The following AACS variants were observed in gnomAD, a reference collection of about 807,000 sequenced individuals.
The protein encoded by AACS is acetoacetyl-CoA synthetase.
Under a neutral mutation model 83.1 loss-of-function variants are expected in AACS, and 69 were observed. The observed-to-expected ratio is 0.83, with a 90% CI of 0.68 to 1.01. The LOEUF is 1.01. Among genes scored for constraint, AACS ranks in the 50% least tolerant of loss-of-function variants. The pLI, the probability that AACS is intolerant of heterozygous loss-of-function variation, is 0.00. For synonymous variants in AACS, 333 were observed against 343.4 expected (o/e 0.97, Z 0.33); for missense variants, 866 against 882.2 (o/e 0.98, Z 0.23).
intron 8 of AACS, among the ~76,000 whole-genome samples, chr12:125,114,268 C>G (rs562442389): frequency 3.7e-4 from 56 of 152,012 alleles, no homozygotes; most frequent in Non-Finnish European, 2.9e-5. Context: ...ACAAGCCACG[C>G]TCAGCTCTTG....
intron 4 of AACS, among the ~76,000 whole-genome samples, chr12:125,089,335 G>A (rs1254641946): frequency 6.6e-6 from 1 of 152,080 alleles, no homozygotes; most frequent in African/African-American, 2.4e-5. Flanking sequence ...GAGAAGGAGG[G>A]AAAAAGGGAG....
At chr12:125,066,153 G>A (rs1342460397) in intron 1 of AACS, among the ~76,000 whole-genome samples, 1 of 152,102 alleles carries the variant, frequency 6.6e-6, no homozygotes, top group African/African-American at 2.4e-5. Context: ...CGTGCACTCT[G>A]TCCCCCTGAC....
At chr12:125,099,114 G>C (rs1391746440) in intron 5 of AACS, among the ~76,000 whole-genome samples, 1 of 152,218 alleles carries the variant, frequency 6.6e-6, no homozygotes, top group African/African-American at 2.4e-5. Flanking sequence ...TAAAGCATGG[G>C]TTTGGAAAGC....
chr12:125,114,385 G>A, intron 8 of AACS, 92 bp from the exon 9 acceptor site: 1 of 998,186 alleles, frequency 1.0e-6, no homozygotes, highest in Non-Finnish European at 1.5e-6. Flanking sequence ...GCTTCTTCCT[G>A]GCAGCGTCTG....
intron 3 of AACS, among the ~76,000 whole-genome samples, chr12:125,085,373 C>T (rs974186028): frequency 4.0e-5 from 6 of 151,648 alleles, no homozygotes; most frequent in Admixed American, 2.0e-4. Context: ...CGCACGTGCA[C>T]GTTGCATCCA....
At chr12:125,085,489 T>G (rs759308268) in intron 3 of AACS, among the ~76,000 whole-genome samples, 2 of 151,940 alleles carry the variant, frequency 1.3e-5, no homozygotes, top group Non-Finnish European at 2.9e-5. Flanking sequence ...ACCACACACA[T>G]GCACGTTGCA....
intron 4 of AACS, among the ~76,000 whole-genome samples, chr12:125,089,286 G>A (rs192311811): frequency 1.3e-5 from 2 of 152,298 alleles, no homozygotes; most frequent in Admixed American, 6.5e-5. Context: ...GGGGAGTCGC[G>A]TGTGAATCCA....
chr12:125,090,233 TG>T (rs369129619), intron 4 of AACS, among the ~76,000 whole-genome samples: 113,060 of 116,358 alleles, frequency 0.97, 55,150 homozygotes, highest in Admixed American at 0.98. Flanking sequence ...CCATTTATTA[TG>T]CTTCCACCCA....
In AACS at chr12:125,129,687, C is replaced by T. The variant is rs183453451; in HGVS notation, c.1549+227C>T. On this transcript the variant is annotated intron_variant, in intron 14 of 17. Coordinates refer to ENST00000316519, the MANE Select transcript of AACS (RefSeq NM_023928.5). This position sits in a 1 kb window ranked among gnomAD's most constrained non-coding sequence, Gnocchi z 4.3. Reference sequence around the variant, plus strand: ...CAACTGCAATCTGGTTTAGTTGAATCTCAGCCACCTCTGCCCAGAGCCTCT... The same window carrying T: ...CAACTGCAATCTGGTTTAGTTGAATTTCAGCCACCTCTGCCCAGAGCCTCT... 4.8e-4 allele frequency among the ~76,000 whole-genome samples: 73 copies of T among 152,302 alleles called. No homozygotes were observed. Among genetic ancestry groups the T allele is most frequent in the Middle Eastern group, 3.4e-3 (1 of 294 alleles).
At chr12:125,116,757 G>A (rs369560205) in intron 9 of AACS, among the ~76,000 whole-genome samples, 1 of 152,080 alleles carries the variant, frequency 6.6e-6, no homozygotes, top group Non-Finnish European at 1.5e-5. Context: ...GAGCCACCGC[G>A]CCCGGCCTCC....
intron 7 of AACS, among the ~76,000 whole-genome samples, chr12:125,103,785 G>A (rs1229216413): frequency 6.6e-6 from 1 of 151,798 alleles, no homozygotes; most frequent in Non-Finnish European, 1.5e-5. Context: ...TCAGGAGATC[G>A]AGACCATCCT....
intron 3 of AACS, among the ~76,000 whole-genome samples, chr12:125,079,472 C>T (rs1184607328): frequency 2.0e-5 from 3 of 152,184 alleles, no homozygotes; most frequent in Admixed American, 2.0e-4. Context: ...GCCTCGACTT[C>T]CCAGGCTCAA....
intron 10 of AACS, chr12:125,122,934 C>G (rs111955048): frequency 6.6e-6 from 1 of 152,184 alleles, no homozygotes. Flanking sequence ...CAGGTGGGCT[C>G]CCGTGCTTCC....
intron 5 of AACS, among the ~76,000 whole-genome samples, chr12:125,099,458 CATTGTTTTCTGGCTCATGA>C (rs1956674584): frequency 6.6e-6 from 1 of 152,194 alleles, no homozygotes; most frequent in South Asian, 2.1e-4. Context: ...ATCTATTAAA[CATTGTTTTCTGGCTCATGA>C]ATCTTTTATT....
At position 125,069,763 on chromosome 12, in the gene AACS, G is replaced by A. The variant is rs538467807; in HGVS notation, c.133+4046G>A. 4.9e-3 allele frequency among the ~76,000 whole-genome samples: 753 copies of A among 152,334 alleles called. 4 individuals are homozygous for A. The highest frequency in any genetic ancestry group is 0.018 in the African/African-American group (728 of 41,562). On this transcript the variant is annotated intron_variant, in intron 1 of 17. Coordinates refer to ENST00000316519, the MANE Select transcript of AACS (RefSeq NM_023928.5). ...ACGTCGGCTCTCTGTGCAAGCAGCT[G>A]GGATGGAGTTTGCCAACAAATAGAA... is the stretch of plus-strand genomic sequence containing the variant.
intron 1 of AACS, 61 bp downstream of exon 1, chr12:125,065,778 G>A (rs1000017753): frequency 2.8e-6 from 4 of 1,447,714 alleles, no homozygotes; most frequent in Admixed American, 3.0e-5. Context: ...CAGGGTGGTT[G>A]GGTGGTCTCC....
At chr12:125,123,900 G>A (rs1310559355) in intron 10 of AACS, 2 of 152,272 alleles carry the variant, frequency 1.3e-5, no homozygotes, top group Non-Finnish European at 2.9e-5. Flanking sequence ...ATTCAGCAGC[G>A]TGTGTTGTTC....
chr12:125,133,874 C>T, intron 14 of AACS, 129 bp from the exon 15 acceptor site: 1 of 880,508 alleles, frequency 1.1e-6, no homozygotes, highest in South Asian at 1.6e-5. Flanking sequence ...TCCCTCTGGC[C>T]CCCAGCCCCA....
chr12:125,137,514 G>A (rs55675340), intron 17 of AACS, among the ~76,000 whole-genome samples: 7,233 of 152,290 alleles, frequency 0.047, 267 homozygotes, highest in Non-Finnish European at 0.071. Context: ...GCTGGGAGCC[G>A]TTGCTGTTGC....
Sources: allele counts gnomAD v4.1 joint callset (sites outside exome capture counted in the v4.1 genomes callset), GRCh38; gene constraint gnomAD v4.1.1; non-coding constraint Gnocchi (gnomAD v3.1); transcripts MANE v1.5; gene names NCBI Gene and HGNC (gene_info 2026-07-23, HGNC 2026-07-21).